Variants in STARD13 observed in about 807,000 individuals in gnomAD.
STARD13 encodes the protein StAR related lipid transfer domain containing 13, also known as stAR-related lipid transfer protein 13.
Under a neutral mutation model 106.4 loss-of-function variants are expected in STARD13, and 62 were observed. The ratio of observed to expected loss-of-function variants is 0.58; its 90% CI spans 0.48 to 0.72. The LOEUF is 0.72. Among genes scored for constraint, STARD13 ranks in the 30% least tolerant of loss-of-function variants. The pLI, the probability that STARD13 is intolerant of heterozygous loss-of-function variation, is 0.00. For synonymous variants in STARD13, 565 were observed against 553.0 expected (o/e 1.02, Z -0.31); for missense variants, 1,387 against 1,424.0 (o/e 0.97, Z 0.42).
rs1555239807 is a variant in STARD13, at chr13:33,163,605, A to ATATAAC, written c.323+1731_323+1732insGTTATA. On this transcript the variant is annotated intron_variant, in intron 3 of 13. Coordinates refer to ENST00000336934, the MANE Select transcript of STARD13 (RefSeq NM_178006.4). ...ACTCTGTCTCAAAAAAAAAAAAAAAAATATATATATATATATATAAAACAT... is the reference window on the plus strand; with the variant it reads ...ACTCTGTCTCAAAAAAAAAAAAAAAATATAACATATATATATATATATATAAAACAT... 1.9e-3 allele frequency among the ~76,000 whole-genome samples: 186 copies of ATATAAC among 97,620 alleles called. 3 individuals carry two copies. The highest frequency in any genetic ancestry group is 6.8e-3 in the African/African-American group (157 of 23,184). The allele number at this position is 97,620 out of a possible 152,430, so 64.0% of individuals were successfully genotyped here.
chr13:33,149,605 A>C (rs1045002072), intron 3 of STARD13, among the ~76,000 whole-genome samples: 2 of 152,220 alleles, frequency 1.3e-5, no homozygotes, highest in Non-Finnish European at 2.9e-5. Flanking sequence ...GCCATAAGCC[A>C]AAGGGGAAAA....
At chr13:33,657,952 G>C in the STARD13 span, among the ~76,000 whole-genome samples, 18 of 152,108 alleles carry the variant, frequency 1.2e-4, no homozygotes, top group African/African-American at 4.1e-4. Flanking sequence ...CTATTTTTAA[G>C]TGTACAGTTT....
intron 1 of STARD13, among the ~76,000 whole-genome samples, chr13:33,205,667 T>G (rs1277418068): frequency 6.6e-6 from 1 of 152,224 alleles, no homozygotes; most frequent in African/African-American, 2.4e-5. Context: ...TTTTTAATTT[T>G]AAATCAAGTT....
the STARD13 span, among the ~76,000 whole-genome samples, chr13:33,672,539 T>A: frequency 1.7e-4 from 26 of 152,340 alleles, no homozygotes; most frequent in African/African-American, 6.3e-4. Context: ...AATAAATAAC[T>A]AAATAAAATT....
At chr13:33,584,339 C>T in the STARD13 span, among the ~76,000 whole-genome samples, 7 of 151,984 alleles carry the variant, frequency 4.6e-5, no homozygotes, top group East Asian at 3.9e-4. Context: ...ACAATCATGG[C>T]GGAAGGCAAA....
chr13:33,129,792 T>A lies in STARD13; in HGVS notation c.885A>T (p.Pro295=). ...TGCACTGCATAGCCTTAAAGGACTC[T>A]GGCTCCTGCTGCAACATGGGCCCAC... is the stretch of plus-strand genomic sequence containing the variant. ...VISGPMLQQE[P]ESFKAMQCIQ... Residue 295 remains proline, a synonymous_variant, in exon 5 of 14, where the codon CCA becomes CCT. Coordinates refer to ENST00000336934, the MANE Select transcript of STARD13 (RefSeq NM_178006.4). The A allele has an allele frequency of 6.2e-7, 1 of 1,613,882 alleles. No individual in the cohort carries two copies. The highest frequency in any genetic ancestry group is 8.5e-7 in the Non-Finnish European group (1 of 1,180,028).
At chr13:33,194,935 C>G (rs182825982) in intron 1 of STARD13, among the ~76,000 whole-genome samples, 113 of 152,360 alleles carry the variant, frequency 7.4e-4, no homozygotes, top group African/African-American at 2.5e-3. Context: ...GTTATGTGAA[C>G]AGCAATCTTG....
the STARD13 span, among the ~76,000 whole-genome samples, chr13:33,516,133 G>C: frequency 6.8e-6 from 1 of 146,478 alleles, no homozygotes; most frequent in South Asian, 2.1e-4. Flanking sequence ...ACTCTCAGAA[G>C]TGTTATATAT....
At chr13:33,646,180 C>T in the STARD13 span, among the ~76,000 whole-genome samples, 15 of 152,134 alleles carry the variant, frequency 9.9e-5, no homozygotes, top group African/African-American at 3.4e-4. Context: ...AGATAGGTCC[C>T]GTTCTTTTTC....
At chr13:33,534,349 G>A in the STARD13 span, among the ~76,000 whole-genome samples, 1 of 152,132 alleles carries the variant, frequency 6.6e-6, no homozygotes, top group Non-Finnish European at 1.5e-5. Context: ...ATGATGCATT[G>A]CTCTGTGTAA....
At chr13:33,628,993 G>C in the STARD13 span, among the ~76,000 whole-genome samples, 51 of 152,308 alleles carry the variant, frequency 3.3e-4, 1 homozygote, top group East Asian at 9.3e-3. Flanking sequence ...ATTACTGTGG[G>C]ATCTTTTCAA....
At chr13:33,665,986 C>T in the STARD13 span, among the ~76,000 whole-genome samples, 1 of 152,088 alleles carries the variant, frequency 6.6e-6, no homozygotes, top group African/African-American at 2.4e-5. Context: ...CTGGAATGAA[C>T]CAAGGCACAA....
chr13:33,375,459 C>T, the STARD13 span, among the ~76,000 whole-genome samples: 2 of 152,080 alleles, frequency 1.3e-5, no homozygotes, highest in African/African-American at 4.8e-5. Flanking sequence ...TCCATTCTCA[C>T]CCTGCTAATA....
chr13:33,352,139 C>T (rs1196229141), upstream of STARD13, among the ~76,000 whole-genome samples: 4 of 152,138 alleles, frequency 2.6e-5, no homozygotes, highest in Admixed American at 1.3e-4. Context: ...GGATCAGAAA[C>T]GGACTTGAAA....
At chr13:33,601,777 A>T in the STARD13 span, among the ~76,000 whole-genome samples, 3 of 151,890 alleles carry the variant, frequency 2.0e-5, no homozygotes, top group African/African-American at 7.3e-5. Context: ...TGTTCCGGAG[A>T]TCCCTGGCCT....
the STARD13 span, among the ~76,000 whole-genome samples, chr13:33,404,974 G>C: frequency 7.2e-5 from 11 of 151,892 alleles, no homozygotes; most frequent in African/African-American, 2.4e-4. Context: ...ATTGGGTTTC[G>C]CCATGTTGGC....
chr13:33,343,571 C>T (rs1308380135), intron 1 of STARD13, among the ~76,000 whole-genome samples: 2 of 45,240 alleles, frequency 4.4e-5, no homozygotes, highest in African/African-American at 7.5e-5. Context: ...GATTGAGACC[C>T]TGTCTTAAAA....
chr13:33,460,209 C>G, the STARD13 span, among the ~76,000 whole-genome samples: 1 of 151,872 alleles, frequency 6.6e-6, no homozygotes, highest in Non-Finnish European at 1.5e-5. Flanking sequence ...AAGATTGGGC[C>G]GGGCACGATG....
chr13:33,110,158 G>C, intron 11 of STARD13, 68 bp from the exon 12 acceptor site: 1 of 1,463,624 alleles, frequency 6.8e-7, no homozygotes, highest in Non-Finnish European at 9.4e-7. Flanking sequence ...TTTTGTTTGG[G>C]CTTTTAGTTT....
Sources: allele counts gnomAD v4.1 joint callset (sites outside exome capture counted in the v4.1 genomes callset), GRCh38; gene constraint gnomAD v4.1.1; transcripts MANE v1.5; gene names NCBI Gene and HGNC (gene_info 2026-07-23, HGNC 2026-07-21).